Variants in MACC1 observed in about 807,000 individuals in gnomAD.
The protein encoded by MACC1 is metastasis-associated in colon cancer protein 1.
A neutral mutation model predicts 70.7 loss-of-function variants in MACC1; 79 were observed. The ratio of observed to expected loss-of-function variants is 1.12; its 90% CI spans 0.93 to 1.35. The LOEUF (loss-of-function observed/expected upper bound fraction) is 1.35. Among genes scored for constraint, MACC1 ranks in the 40% most tolerant of loss-of-function variants. The pLI, the probability that MACC1 is intolerant of heterozygous loss-of-function variation, is 0.00. For synonymous variants in MACC1, 361 were observed against 347.2 expected (o/e 1.04, Z -0.44); for missense variants, 1,106 against 978.1 (o/e 1.13, Z -1.74).
chr7:20,190,511 T>C (rs965708057), intron 1 of MACC1, among the ~76,000 whole-genome samples: 2 of 152,204 alleles, frequency 1.3e-5, no homozygotes, highest in East Asian at 3.8e-4. Context: ...AGCCAAGGCA[T>C]AGCAAATAAA....
At chr7:20,185,376 T>C (rs1302014124) in intron 1 of MACC1, among the ~76,000 whole-genome samples, 1 of 152,222 alleles carries the variant, frequency 6.6e-6, no homozygotes, top group East Asian at 1.9e-4. Context: ...ATCAACTGAA[T>C]GAAATTGACA....
intron 5 of MACC1, among the ~76,000 whole-genome samples, chr7:20,155,542 A>G (rs1782043458): frequency 6.6e-6 from 1 of 152,224 alleles, no homozygotes; most frequent in African/African-American, 2.4e-5. Flanking sequence ...CCCAAACCAC[A>G]GAAAGTGAAA....
chr7:20,188,445 C>T (rs1319767333), intron 1 of MACC1, among the ~76,000 whole-genome samples: 1 of 152,164 alleles, frequency 6.6e-6, no homozygotes, highest in Non-Finnish European at 1.5e-5. Flanking sequence ...ATCTCTCTAG[C>T]ATTACAAGTG....
intron 1 of MACC1, among the ~76,000 whole-genome samples, chr7:20,171,307 A>T (rs1177179915): frequency 1.3e-5 from 2 of 150,198 alleles, no homozygotes; most frequent in African/African-American, 4.9e-5. Flanking sequence ...GCTGGAGTGC[A>T]GTGGCGCTAT....
chr7:20,159,199 AAAC>A lies in MACC1; in HGVS notation c.1159_1161del (p.Val387del), dbSNP rs1489874270. 4 of 1,613,870 alleles carry A rather than the reference AAAC, an allele frequency of 2.5e-6. No homozygotes were observed. The highest frequency in any genetic ancestry group is 3.4e-6 in the Non-Finnish European group (4 of 1,179,984). Reference sequence around the variant, plus strand: ...ATATAATTGTGTCCACAAACTGTTAAAACAACAGTAAAACTGGGATGGATATAT... The same window carrying A: ...ATATAATTGTGTCCACAAACTGTTAAAACAGTAAAACTGGGATGGATATAT... On this transcript the variant is annotated inframe_deletion, in exon 5 of 7. Transcript: ENST00000400331.
At chr7:20,168,588 T>C (rs1782255835) in intron 2 of MACC1, among the ~76,000 whole-genome samples, 1 of 151,894 alleles carries the variant, frequency 6.6e-6, no homozygotes, top group Non-Finnish European at 1.5e-5. Flanking sequence ...CCTTTTACAG[T>C]ATGTTCAACA....
chr7:20,145,579 AG>A (rs1456909897), intron 6 of MACC1, among the ~76,000 whole-genome samples: 1 of 152,212 alleles, frequency 6.6e-6, no homozygotes, highest in African/African-American at 2.4e-5. Context: ...TATGATGGCA[AG>A]GGGATTTGGA....
chr7:20,176,662 C>G (rs1040744400), intron 1 of MACC1, among the ~76,000 whole-genome samples: 12 of 152,216 alleles, frequency 7.9e-5, no homozygotes, highest in African/African-American at 2.9e-4. Flanking sequence ...TAGCCCCAAA[C>G]TGGAAACAAC....
intron 1 of MACC1, among the ~76,000 whole-genome samples, chr7:20,174,361 T>C (rs1169015894): frequency 6.6e-6 from 1 of 152,088 alleles, no homozygotes; most frequent in Non-Finnish European, 1.5e-5. Context: ...TCAAATACAA[T>C]GAATCTACTG....
At chr7:20,165,266 GA>G (rs1782196420) in intron 2 of MACC1, among the ~76,000 whole-genome samples, 1 of 152,220 alleles carries the variant, frequency 6.6e-6, no homozygotes, top group African/African-American at 2.4e-5. Flanking sequence ...GAAGGTCTGG[GA>G]TTGTGCACAA....
At chr7:20,182,303 G>T (rs540777250) in intron 1 of MACC1, among the ~76,000 whole-genome samples, 1 of 152,042 alleles carries the variant, frequency 6.6e-6, no homozygotes, top group South Asian at 2.1e-4. Context: ...TAACAAACCT[G>T]CACGTTGTGC....
At chr7:20,167,817 T>C (rs1043050198) in intron 2 of MACC1, among the ~76,000 whole-genome samples, 1 of 152,160 alleles carries the variant, frequency 6.6e-6, no homozygotes, top group African/African-American at 2.4e-5. Context: ...AGCCCCACTC[T>C]TGGATAGGCC....
chr7:20,197,113 G>A (rs571624700), intron 1 of MACC1, among the ~76,000 whole-genome samples: 25 of 152,318 alleles, frequency 1.6e-4, no homozygotes, highest in Non-Finnish European at 2.9e-4. Flanking sequence ...CAAATAGAAA[G>A]GTCCATCCCA....
chr7:20,183,401 C>G (rs1407842211), intron 1 of MACC1, among the ~76,000 whole-genome samples: 1 of 152,176 alleles, frequency 6.6e-6, no homozygotes, highest in African/African-American at 2.4e-5. Flanking sequence ...CCCAGAGCCT[C>G]CATAGGAGAA....
chr7:20,203,754 T>C (rs1268016474), intron 1 of MACC1, among the ~76,000 whole-genome samples: 2 of 152,136 alleles, frequency 1.3e-5, no homozygotes, highest in East Asian at 3.8e-4. Flanking sequence ...CCAATTGGGA[T>C]TTTTGCCAGA....
chr7:20,158,408 T>C lies in MACC1; in HGVS notation c.1953A>G (p.Ser651=), dbSNP rs1277332527. The part of the protein sequence containing the change: ...LPLKKLTYIY[S]VVLTLVSEKV... ...TTTCTGACACCAAGGTTAATACAAC[T>C]GAGTAGATATAAGTCAATTTTTTTA... Residue 651 remains serine, a synonymous_variant, in exon 5 of 7, where the codon TCA becomes TCG. Transcript: ENST00000400331. 2 of 1,613,750 alleles carry C rather than the reference T, an allele frequency of 1.2e-6. No homozygotes were observed. Among genetic ancestry groups the C allele is most frequent in the Non-Finnish European group, 1.7e-6 (2 of 1,179,956 alleles).
At chr7:20,182,801 G>A (rs1039511077) in intron 1 of MACC1, among the ~76,000 whole-genome samples, 2 of 151,836 alleles carry the variant, frequency 1.3e-5, no homozygotes, top group Admixed American at 6.6e-5. Context: ...CCCTTTCACA[G>A]AATAGACAAT....
chr7:20,156,368 G>A (rs560660294), intron 5 of MACC1, among the ~76,000 whole-genome samples: 9 of 152,166 alleles, frequency 5.9e-5, no homozygotes, highest in African/African-American at 1.2e-4. Context: ...CTAATTAGCC[G>A]CTTGAGGCAC....
chr7:20,183,992 G>A (rs1782549449), intron 1 of MACC1, among the ~76,000 whole-genome samples: 2 of 152,152 alleles, frequency 1.3e-5, no homozygotes, highest in African/African-American at 2.4e-5. Context: ...ACAGGCATGA[G>A]CCACCACACC....
Sources: allele counts gnomAD v4.1 joint callset (sites outside exome capture counted in the v4.1 genomes callset), GRCh38; gene constraint gnomAD v4.1.1; transcripts MANE v1.5; gene names NCBI Gene and HGNC (gene_info 2026-07-23, HGNC 2026-07-21).